The following DNA2 variants were observed in gnomAD, a reference collection of about 807,000 sequenced individuals.
DNA2 encodes the protein DNA replication ATP-dependent helicase/nuclease DNA2.
Under a neutral mutation model 119.1 loss-of-function variants are expected in DNA2, and 101 were observed. The observed-to-expected ratio is 0.85, with a 90% CI of 0.72 to 1.00. The LOEUF (loss-of-function observed/expected upper bound fraction) is 1.00. DNA2 is among the 50% of genes least tolerant of loss of function. DNA2 has a pLI of 0.00. For missense variants in DNA2, 1,121 were observed against 1,255.5 expected (o/e 0.89, Z 1.62); for synonymous variants, 366 against 424.4 (o/e 0.86, Z 1.69).
intron 9 of DNA2, among the ~76,000 whole-genome samples, chr10:68,441,946 G>C (rs1256731307): frequency 2.0e-5 from 3 of 146,938 alleles, no homozygotes; most frequent in Non-Finnish European, 4.5e-5. Context: ...TTTTTTTTTT[G>C]AGTCAAGGTC....
Position 68,437,208 on chromosome 10 carries a change from A to G in DNA2, c.1449T>C (p.Ile483=). Residue 483 remains isoleucine, a synonymous_variant, in exon 10 of 21, where the codon ATT becomes ATC. Transcript: ENST00000358410. The stretch of plus-strand genomic sequence containing the variant: ...AAACTATCTTTACATGTTCCATTCT[A>G]ATCAGGTTTCCAATGCAACTGCCAC... The part of the protein sequence containing the change: ...EKSGSCIGNL[I]RMEHVKIVCD... 6.2e-7 allele frequency: 1 copy of G among 1,608,966 alleles called. No individual in the cohort carries two copies. The highest frequency in any genetic ancestry group is 1.1e-5 in the South Asian group (1 of 90,752).
Position 68,471,547 on chromosome 10 carries a change from G to A in DNA2, c.74+244C>T, listed in dbSNP as rs72797524. Reference sequence around the variant, plus strand: ...CGAAACTCCTCAACTTAGGGAGAGAGGTGAAATCAAGGGAAACAATGAACT... The same window carrying A: ...CGAAACTCCTCAACTTAGGGAGAGAAGTGAAATCAAGGGAAACAATGAACT... On this transcript the variant is annotated intron_variant, in intron 1 of 20. Transcript: ENST00000358410. Among the ~76,000 whole-genome samples the A allele has an allele frequency of 0.039, 5,984 of 152,176 alleles. 192 individuals are homozygous for A. The highest frequency in any genetic ancestry group is 0.062 in the Non-Finnish European group (4,244 of 67,990).
chr10:68,438,641 C>A (rs934385332), intron 9 of DNA2, among the ~76,000 whole-genome samples: 2 of 152,064 alleles, frequency 1.3e-5, no homozygotes, highest in Non-Finnish European at 2.9e-5. Context: ...TGCAGTCTAA[C>A]TACAATTAAA....
chr10:68,462,304 G>A (rs1051418617), intron 4 of DNA2, among the ~76,000 whole-genome samples: 1 of 152,180 alleles, frequency 6.6e-6, no homozygotes, highest in Non-Finnish European at 1.5e-5. Context: ...CCAGGAGGTG[G>A]AGGTTGCAGT....
At chr10:68,424,568 C>T in intron 14 of DNA2, 1 of 917,866 alleles carries the variant, frequency 1.1e-6, no homozygotes, top group Non-Finnish European at 1.8e-6. Context: ...CCATGAAGTT[C>T]AATCCCTTCG....
At chr10:68,431,746 G>C in intron 13 of DNA2, 116 bp downstream of exon 13, 1 of 659,470 alleles carries the variant, frequency 1.5e-6, no homozygotes, top group Non-Finnish European at 2.6e-6. Context: ...AAGTTCATTT[G>C]AAACAAAGAC....
At chr10:68,458,347 C>T (rs1318927796) in intron 5 of DNA2, among the ~76,000 whole-genome samples, 1 of 152,126 alleles carries the variant, frequency 6.6e-6, no homozygotes, top group Non-Finnish European at 1.5e-5. Context: ...GCCTGGCCAA[C>T]ATGGCAAAAC....
chr10:68,422,258 G>C lies in DNA2; in HGVS notation c.2664C>G (p.Pro888=). 6.2e-7 allele frequency: 1 copy of C among 1,610,936 alleles called. No individual in the cohort carries two copies. Among genetic ancestry groups the C allele is most frequent in the Non-Finnish European group, 8.5e-7 (1 of 1,178,774 alleles). ...TATTAAGGAAACAAACAGGATTGTT[G>C]GGTTCAAATACTCCCATCAACCAAG... The part of the protein sequence containing the change: ...DNPWLMGVFE[P]NNPVCFLNTD... The change falls in exon 17 of 21, where the codon CCC becomes CCG. Residue 888 remains proline, a synonymous_variant. Coordinates refer to ENST00000358410, the MANE Select transcript of DNA2 (RefSeq NM_001080449.3).
chr10:68,470,293 T>G (rs2052370299), intron 1 of DNA2, 130 bp from the exon 2 acceptor site: 3 of 777,628 alleles, frequency 3.9e-6, no homozygotes, highest in Admixed American at 3.5e-5. Context: ...TGCAATGACA[T>G]TTAGACAAAA....
chr10:68,461,751 C>T (rs2052261716), intron 4 of DNA2, among the ~76,000 whole-genome samples: 1 of 150,798 alleles, frequency 6.6e-6, no homozygotes, highest in Admixed American at 6.6e-5. Context: ...TTGCTTGAAC[C>T]CGGAAGGCGG....
rs145552749 is a variant in DNA2, at chr10:68,434,818, C to T, written c.1646+2193G>A. Among the ~76,000 whole-genome samples, 308 of 152,264 alleles carry T rather than the reference C, an allele frequency of 2.0e-3. 4 individuals are homozygous for T. Among genetic ancestry groups the T allele is most frequent in the African/African-American group, 6.9e-3 (287 of 41,560 alleles). On this transcript the variant is annotated intron_variant, in intron 10 of 20. Transcript: ENST00000358410. ...ACCATCCCATGTCATGACATCTAGA[C>T]AAGGGGTGGTTATGACTCAACTAAG...
At chr10:68,419,582 A>G (rs1349443638) in intron 18 of DNA2, among the ~76,000 whole-genome samples, 2 of 152,254 alleles carry the variant, frequency 1.3e-5, no homozygotes, top group Admixed American at 6.5e-5. Context: ...AATTAGAATT[A>G]GCTGACATTA....
At chr10:68,459,691 A>G (rs2052229791) in intron 4 of DNA2, among the ~76,000 whole-genome samples, 1 of 152,160 alleles carries the variant, frequency 6.6e-6, no homozygotes, top group African/African-American at 2.4e-5. Flanking sequence ...TGATGGCTGT[A>G]CAACAAGGTG....
At chr10:68,464,697 T>C (rs1354107449) in intron 4 of DNA2, among the ~76,000 whole-genome samples, 2 of 146,280 alleles carry the variant, frequency 1.4e-5, no homozygotes, top group Admixed American at 6.8e-5. Flanking sequence ...GGCGTGGTGG[T>C]GCATGCCTGT....
At chr10:68,439,196 A>T (rs2051932949) in intron 9 of DNA2, among the ~76,000 whole-genome samples, 1 of 151,628 alleles carries the variant, frequency 6.6e-6, no homozygotes, top group Non-Finnish European at 1.5e-5. Context: ...AGAGTTCAAG[A>T]CCAGCCTGAC....
chr10:68,462,304 G>C (rs1051418617), intron 4 of DNA2, among the ~76,000 whole-genome samples: 1 of 152,180 alleles, frequency 6.6e-6, no homozygotes, highest in Non-Finnish European at 1.5e-5. Context: ...CCAGGAGGTG[G>C]AGGTTGCAGT....
chr10:68,435,734 G>T (rs185495915), intron 10 of DNA2, among the ~76,000 whole-genome samples: 2 of 152,016 alleles, frequency 1.3e-5, no homozygotes, highest in Non-Finnish European at 2.9e-5. Flanking sequence ...GATTACAGAC[G>T]TGAGCCACCA....
At position 68,444,305 on chromosome 10, in the gene DNA2, G is replaced by A. The variant is rs1243046338; in HGVS notation, c.1220+616C>T. On this transcript the variant is annotated intron_variant, in intron 8 of 20. Transcript: ENST00000358410. Reference sequence around the variant, plus strand: ...TTCGGGAAGCTGAGGCAGGAGAATCGCTTGAACTAGGGAGGCGGAGGTTGC... The same window carrying A: ...TTCGGGAAGCTGAGGCAGGAGAATCACTTGAACTAGGGAGGCGGAGGTTGC... 4.0e-5 allele frequency among the ~76,000 whole-genome samples: 6 copies of A among 151,710 alleles called. 1 individual carries two copies. In the South Asian group the frequency reaches 1.0e-3, roughly 26 times the overall value.
At chr10:68,431,359 T>C (rs2051818713) in intron 13 of DNA2, among the ~76,000 whole-genome samples, 1 of 152,042 alleles carries the variant, frequency 6.6e-6, no homozygotes, top group African/African-American at 2.4e-5. Context: ...CTCAGCTCAC[T>C]ACAACCTCTG....
Sources: allele counts gnomAD v4.1 joint callset (sites outside exome capture counted in the v4.1 genomes callset), GRCh38; gene constraint gnomAD v4.1.1; transcripts MANE v1.5; gene names NCBI Gene and HGNC (gene_info 2026-07-23, HGNC 2026-07-21).